CDK14: variants seen among roughly 807,000 people sequenced by gnomAD.
CDK14 encodes cyclin dependent kinase 14.
Under a neutral mutation model 60.7 loss-of-function variants are expected in CDK14, and 34 were observed. That is an observed-to-expected ratio of 0.56 (90% CI 0.43 to 0.75). CDK14 has a LOEUF of 0.75. CDK14 is among the 30% of genes least tolerant of loss of function. The pLI is 0.00. For missense variants in CDK14, 482 were observed against 564.1 expected, an observed-to-expected ratio of 0.85 and a Z score of 1.47; for synonymous variants, 197 against 203.7, an observed-to-expected ratio of 0.97 and a Z score of 0.28.
chr7:90,890,029 A>G (rs1490413911), intron 6 of CDK14, among the ~76,000 whole-genome samples: 1 of 152,228 alleles, frequency 6.6e-6, no homozygotes, highest in Non-Finnish European at 1.5e-5. Flanking sequence ...CCTGAATAAC[A>G]TTTGATAAAA....
intron 9 of CDK14, among the ~76,000 whole-genome samples, chr7:90,960,668 A>G (rs1239951337): frequency 6.6e-6 from 1 of 152,182 alleles, no homozygotes; most frequent in Admixed American, 6.6e-5. Flanking sequence ...TTTTTATTAA[A>G]TAAGCCTAAT....
chr7:90,960,424 A>G (rs1235491111), intron 9 of CDK14, among the ~76,000 whole-genome samples: 2 of 152,200 alleles, frequency 1.3e-5, no homozygotes, highest in Non-Finnish European at 2.9e-5. Context: ...CAAATCATTT[A>G]TAAATAAGCC....
chr7:90,765,606 T>TG (rs937120496), intron 4 of CDK14, among the ~76,000 whole-genome samples: 1 of 151,652 alleles, frequency 6.6e-6, no homozygotes, highest in African/African-American at 2.4e-5. Flanking sequence ...AGGAAGGTTT[T>TG]TTTTTTTTTT....
chr7:90,940,354 G>A (rs566450791), intron 8 of CDK14, among the ~76,000 whole-genome samples: 93 of 152,174 alleles, frequency 6.1e-4, no homozygotes, highest in Non-Finnish European at 9.3e-4. Flanking sequence ...AGTACATAGC[G>A]ATTTATTGGC....
At chr7:91,008,156 A>AAAAC in intron 10 of CDK14, among the ~76,000 whole-genome samples, 1 of 151,440 alleles carries the variant, frequency 6.6e-6, no homozygotes, top group Non-Finnish European at 1.5e-5. Flanking sequence ...CAAACAAAAA[A>AAAAC]AAACAGTGGA....
intron 4 of CDK14, among the ~76,000 whole-genome samples, chr7:90,755,461 G>C (rs943343736): frequency 4.6e-5 from 7 of 152,122 alleles, no homozygotes; most frequent in African/African-American, 1.7e-4. Context: ...GGAGACTGCT[G>C]AGTGGGGTTG....
chr7:91,178,980 T>C (rs921244229), intron 14 of CDK14, among the ~76,000 whole-genome samples: 8 of 152,308 alleles, frequency 5.3e-5, no homozygotes, highest in Admixed American at 5.2e-4. Context: ...GGACTATAAA[T>C]CATGCTGCTA....
chr7:90,730,311 A>G (rs1802812339), intron 3 of CDK14, among the ~76,000 whole-genome samples: 1 of 152,170 alleles, frequency 6.6e-6, no homozygotes, highest in African/African-American at 2.4e-5. Context: ...TGCTGCAGTA[A>G]ACATACGTGT....
At chr7:90,744,598 C>T (rs1352988833) in intron 3 of CDK14, among the ~76,000 whole-genome samples, 3 of 151,118 alleles carry the variant, frequency 2.0e-5, no homozygotes, top group Admixed American at 2.0e-4. Context: ...CGGGCAGAAG[C>T]GCCCCTCACC....
intron 3 of CDK14, among the ~76,000 whole-genome samples, chr7:90,740,119 C>A (rs1221904089): frequency 7.6e-6 from 1 of 130,968 alleles, no homozygotes; most frequent in Admixed American, 8.5e-5. Context: ...TTACGTGGAA[C>A]CAAGTTAAAT....
intron 2 of CDK14, among the ~76,000 whole-genome samples, chr7:90,629,779 T>G (rs12704553): frequency 0.85 from 129,281 of 151,756 alleles, 55,171 homozygotes; most frequent in East Asian, 1. Flanking sequence ...GTAATCTCAG[T>G]CCTTTGGGAG....
At chr7:90,987,727 A>G (rs1795411836) in intron 10 of CDK14, among the ~76,000 whole-genome samples, 1 of 152,122 alleles carries the variant, frequency 6.6e-6, no homozygotes, top group African/African-American at 2.4e-5. Flanking sequence ...TGAGAAAAAA[A>G]AAATGCTTTT....
chr7:91,142,875 A>G (rs1196248781), intron 14 of CDK14, among the ~76,000 whole-genome samples: 1 of 152,238 alleles, frequency 6.6e-6, no homozygotes, highest in East Asian at 1.9e-4. Context: ...AAATTAGCAA[A>G]CATTTACTAA....
chr7:90,722,090 T>A (rs1584821928), intron 2 of CDK14, among the ~76,000 whole-genome samples: 1 of 152,084 alleles, frequency 6.6e-6, no homozygotes, highest in East Asian at 1.9e-4. Context: ...AGAGCTCTCC[T>A]ACCCTCCCCT....
At chr7:91,049,147 G>A (rs1335014202) in intron 11 of CDK14, among the ~76,000 whole-genome samples, 1 of 152,118 alleles carries the variant, frequency 6.6e-6, no homozygotes, top group Non-Finnish European at 1.5e-5. Flanking sequence ...CTCCCAAAGT[G>A]CTGGGATTAC....
At chr7:90,834,826 T>C (rs73222720) in intron 5 of CDK14, among the ~76,000 whole-genome samples, 22,284 of 152,216 alleles carry the variant, frequency 0.15, 1,799 homozygotes, top group Middle Eastern at 0.25. Context: ...CAAGGATTCT[T>C]TGAAATGGCT....
At chr7:91,189,373 T>C (rs1311057875) in intron 14 of CDK14, among the ~76,000 whole-genome samples, 2 of 152,190 alleles carry the variant, frequency 1.3e-5, no homozygotes, top group Non-Finnish European at 2.9e-5. Flanking sequence ...TATTGTAAAG[T>C]ATGCAGATAA....
At chr7:90,763,079 T>C (rs1804390408) in intron 4 of CDK14, among the ~76,000 whole-genome samples, 1 of 152,182 alleles carries the variant, frequency 6.6e-6, no homozygotes, top group African/African-American at 2.4e-5. Flanking sequence ...CATTACATGA[T>C]GATAAAGAGC....
chr7:90,854,377 A>G (rs1234442770), intron 5 of CDK14, among the ~76,000 whole-genome samples: 1 of 152,050 alleles, frequency 6.6e-6, no homozygotes, highest in Non-Finnish European at 1.5e-5. Flanking sequence ...ACAAACAACA[A>G]CAACAACAAC....
Sources: gnomAD v4.1 joint callset for allele counts (sites outside exome capture counted in the v4.1 genomes callset) on GRCh38, gnomAD v4.1.1 for gene constraint, MANE v1.5 for transcripts, NCBI Gene and HGNC (gene_info 2026-07-23, HGNC 2026-07-21) for gene names.